Variants in MAST4 observed in about 807,000 individuals in gnomAD.
MAST4 encodes the protein microtubule associated serine/threonine kinase family member 4.
Under a neutral mutation model 162.7 loss-of-function variants are expected in MAST4, and 89 were observed. That is an observed-to-expected ratio of 0.55 (90% CI 0.46 to 0.65). MAST4 has a LOEUF of 0.65. Ranked by LOEUF, MAST4 falls within the 30% of genes least tolerant of loss-of-function variation. The pLI is 0.00. For missense variants in MAST4, 3,153 were observed against 3,374.0 expected (o/e 0.93, Z 1.62); for synonymous variants, 1,479 against 1,361.1 (o/e 1.09, Z -1.91).
chr5:66,610,728 C>G (rs560611815), intron 1 of MAST4, among the ~76,000 whole-genome samples: 2 of 152,340 alleles, frequency 1.3e-5, no homozygotes, highest in East Asian at 3.9e-4. Flanking sequence ...GAGCAGGGCC[C>G]TACCCTCCTA....
chr5:66,649,895 A>G (rs184486701), intron 1 of MAST4, among the ~76,000 whole-genome samples: 2 of 152,216 alleles, frequency 1.3e-5, no homozygotes, highest in East Asian at 1.9e-4. Context: ...CATCTCATAC[A>G]CTGCTATTTG....
chr5:67,124,012 C>A (rs1430359929), intron 14 of MAST4, among the ~76,000 whole-genome samples: 1 of 152,172 alleles, frequency 6.6e-6, no homozygotes, highest in Non-Finnish European at 1.5e-5. Context: ...CTCTCAGAAT[C>A]TTGCATAATT....
rs13155083 is a variant in MAST4 at position 66,926,672 on chromosome 5, A to G, written c.674+26690A>G. ...TATATGTATATATATGTGTGTGTGT[A>G]TATATATATATTTCCATTATTGTTC... On this transcript the variant is annotated intron_variant, in intron 4 of 28. Coordinates refer to ENST00000403625, the MANE Select transcript of MAST4 (RefSeq NM_001164664.2). Among the ~76,000 whole-genome samples, 151 of 151,764 alleles carry G rather than the reference A, an allele frequency of 9.9e-4. 2 individuals are homozygous for G. Among genetic ancestry groups the G allele is most frequent in the African/African-American group, 3.4e-3 (141 of 41,416 alleles).
At chr5:66,950,919 A>G (rs1744600870) in intron 4 of MAST4, among the ~76,000 whole-genome samples, 2 of 152,168 alleles carry the variant, frequency 1.3e-5, no homozygotes, top group South Asian at 2.1e-4. Flanking sequence ...CTTTTGCTCA[A>G]CATTATGCTT....
At chr5:67,107,575 T>G (rs578186610) in intron 10 of MAST4, among the ~76,000 whole-genome samples, 1 of 152,350 alleles carries the variant, frequency 6.6e-6, no homozygotes, top group East Asian at 1.9e-4. Flanking sequence ...CTGCCCTTTT[T>G]AGATAGAGCC....
At chr5:66,652,955 A>G (rs533581144) in intron 1 of MAST4, among the ~76,000 whole-genome samples, 6 of 152,310 alleles carry the variant, frequency 3.9e-5, no homozygotes, top group African/African-American at 9.6e-5. Flanking sequence ...GTGTATGTCA[A>G]TGCCTTTGTC....
chr5:67,129,386 T>C (rs1768655079), intron 14 of MAST4, among the ~76,000 whole-genome samples: 2 of 152,144 alleles, frequency 1.3e-5, no homozygotes, highest in Admixed American at 6.5e-5. Flanking sequence ...TAAGAAGCTA[T>C]GGGGTTTTTT....
At chr5:66,986,514 C>T (rs372332179) in intron 4 of MAST4, 1 of 1,545,186 alleles carries the variant, frequency 6.5e-7, no homozygotes, top group Non-Finnish European at 8.8e-7. Context: ...TAAAACATAT[C>T]CAAAGCTCAT....
chr5:66,662,061 G>A (rs1039286810), intron 1 of MAST4, among the ~76,000 whole-genome samples: 3 of 151,484 alleles, frequency 2.0e-5, no homozygotes, highest in Middle Eastern at 3.2e-3. Flanking sequence ...AGTATTCAGT[G>A]TACTAGTTAA....
rs138497516 is a variant in MAST4, at chr5:66,811,770, C to T, written c.642+22976C>T. Reference sequence around the variant, plus strand: ...ATGAGTTTGACCTGTTACTCTCAAACGATGAAGGCATTGCACACTCTAAAT... The same window carrying T: ...ATGAGTTTGACCTGTTACTCTCAAATGATGAAGGCATTGCACACTCTAAAT... On this transcript the variant is annotated intron_variant, in intron 3 of 28. Coordinates refer to ENST00000403625, the MANE Select transcript of MAST4 (RefSeq NM_001164664.2). Among the ~76,000 whole-genome samples the T allele has an allele frequency of 1.5e-3, 228 of 152,220 alleles. 1 individual carries two copies. The highest frequency in any genetic ancestry group is 3.4e-3 in the Middle Eastern group (1 of 294).
intron 26 of MAST4, among the ~76,000 whole-genome samples, chr5:67,159,684 C>T (rs1772966387): frequency 1.3e-5 from 2 of 152,292 alleles, no homozygotes; most frequent in African/African-American, 4.8e-5. Flanking sequence ...CTGCCCTGGG[C>T]CCCCCTCGGC....
At chr5:67,094,799 A>G (rs906989421) in intron 6 of MAST4, among the ~76,000 whole-genome samples, 1 of 152,140 alleles carries the variant, frequency 6.6e-6, no homozygotes, top group Non-Finnish European at 1.5e-5. Flanking sequence ...CCATTCTATC[A>G]TCACTTGAAG....
chr5:67,138,544 A>G (rs1196615260), intron 19 of MAST4, among the ~76,000 whole-genome samples: 1 of 151,978 alleles, frequency 6.6e-6, no homozygotes, highest in African/African-American at 2.4e-5. Flanking sequence ...AGCGATTCTC[A>G]TGCCTCAGCC....
chr5:66,851,569 T>C (rs1019471552), intron 3 of MAST4, among the ~76,000 whole-genome samples: 1 of 152,244 alleles, frequency 6.6e-6, no homozygotes, highest in African/African-American at 2.4e-5. Context: ...CAGCTTGCTG[T>C]CCCTTTTATT....
intron 4 of MAST4, among the ~76,000 whole-genome samples, chr5:66,905,540 A>T (rs938761865): frequency 6.6e-6 from 1 of 152,166 alleles, no homozygotes. Context: ...TTTGTCAATG[A>T]AAGAGTCAAA....
chr5:66,789,374 C>CT (rs1349574530), intron 3 of MAST4, among the ~76,000 whole-genome samples: 11 of 152,220 alleles, frequency 7.2e-5, no homozygotes, highest in African/African-American at 2.6e-4. Flanking sequence ...CATTAATGTC[C>CT]TTTATAGAAT....
chr5:66,814,989 C>A (rs1298305574), intron 3 of MAST4, among the ~76,000 whole-genome samples: 1 of 152,018 alleles, frequency 6.6e-6, no homozygotes, highest in Non-Finnish European at 1.5e-5. Context: ...GAATTATGTT[C>A]TGAAAATGGT....
At chr5:67,071,054 T>C (rs548395052) in intron 5 of MAST4, among the ~76,000 whole-genome samples, 2 of 152,310 alleles carry the variant, frequency 1.3e-5, no homozygotes, top group South Asian at 4.1e-4. Flanking sequence ...TAATATGCCT[T>C]TTTGGTGGGG....
intron 2 of MAST4, 63 bp from the exon 3 acceptor site, chr5:66,788,607 C>CCAAGCACAAAAAAA: frequency 7.3e-7 from 1 of 1,373,728 alleles, no homozygotes; most frequent in African/African-American, 1.5e-5. Flanking sequence ...CCCCCACCCC[C>CCAAGCACAAAAAAA]ATTGCAATAA....
Sources: gnomAD v4.1 joint callset for allele counts (sites outside exome capture counted in the v4.1 genomes callset) on GRCh38, gnomAD v4.1.1 for gene constraint, MANE v1.5 for transcripts, NCBI Gene and HGNC (gene_info 2026-07-23, HGNC 2026-07-21) for gene names.